The following DEAF1 variants were observed in gnomAD, a reference collection of about 807,000 sequenced individuals.
DEAF1 encodes DEAF1 transcription factor, also known as deformed epidermal autoregulatory factor 1 homolog.
DEAF1 carries 53 observed loss-of-function variants against 58.9 expected under a neutral mutation model. The observed-to-expected ratio is 0.90, with a 90% CI of 0.72 to 1.13. The LOEUF (loss-of-function observed/expected upper bound fraction) is 1.13, where lower values mean the gene tolerates loss of function less well. Among genes scored for constraint, DEAF1 ranks in the 50% most tolerant of loss-of-function variants. The pLI is 0.00. For synonymous variants in DEAF1, 385 were observed against 340.4 expected, an observed-to-expected ratio of 1.13 and a Z score of -1.44; for missense variants, 685 against 791.4, an observed-to-expected ratio of 0.87 and a Z score of 1.61.
At chr11:694,581 G>A in intron 1 of DEAF1, 178 bp downstream of exon 1, 2 of 482,202 alleles carry the variant, frequency 4.1e-6, no homozygotes, top group East Asian at 4.0e-5. Context: ...GGGCGGGCGG[G>A]TCACGTGGAG....
At chr11:685,235 C>T (rs1860542623) in intron 5 of DEAF1, among the ~76,000 whole-genome samples, 1 of 152,012 alleles carries the variant, frequency 6.6e-6, no homozygotes, top group Admixed American at 6.5e-5. Flanking sequence ...TAGGTTTGCA[C>T]CACCACACCC....
At chr11:703,637 G>C (rs967987362) in intron 1 of DEAF1, 1 of 1,232,718 alleles carries the variant, frequency 8.1e-7, no homozygotes, top group South Asian at 4.1e-5. Context: ...GGCTGGAGAC[G>C]CAGGATGGGG....
At position 674,665 on chromosome 11, in the gene DEAF1, C is replaced by T. The variant is rs1433157446; in HGVS notation, c.1374G>A (p.Glu458=). ...CTGTGTTGAGCAAGGAGTTGACCAT[C>T]TCTTCTAGGTACAGCCAGCTCCGCG... is the stretch of plus-strand genomic sequence containing the variant. ...SEPRSWLYLE[E]MVNSLLNTAQ... The change falls in exon 10 of 12, where the codon GAG becomes GAA. Residue 458 remains glutamate (E), a synonymous_variant. Coordinates refer to ENST00000382409, the MANE Select transcript of DEAF1 (RefSeq NM_021008.4). 6.2e-7 allele frequency: 1 copy of T among 1,614,108 alleles called. No individual in the cohort carries two copies. The highest frequency in any genetic ancestry group is 1.3e-5 in the African/African-American group (1 of 75,072).
At chr11:659,189 T>G (rs1198172139) in intron 10 of DEAF1, among the ~76,000 whole-genome samples, 3 of 143,138 alleles carry the variant, frequency 2.1e-5, no homozygotes, top group African/African-American at 7.8e-5. Flanking sequence ...CCCAAGAGTT[T>G]AAGGCCAGCC....
At chr11:680,489 G>A (rs1001127900) in intron 7 of DEAF1, among the ~76,000 whole-genome samples, 3 of 152,164 alleles carry the variant, frequency 2.0e-5, no homozygotes, top group African/African-American at 7.2e-5. Context: ...ACGTGCCTGT[G>A]GTCCCAGCTA....
chr11:658,177 C>T (rs1482074472), intron 10 of DEAF1, among the ~76,000 whole-genome samples: 2 of 152,148 alleles, frequency 1.3e-5, no homozygotes, highest in Non-Finnish European at 2.9e-5. Flanking sequence ...GCCTGTAATC[C>T]CAGCACTTTG....
At chr11:704,222 C>A in intron 1 of DEAF1, 1 of 929,080 alleles carries the variant, frequency 1.1e-6, no homozygotes, top group Non-Finnish European at 1.4e-6. Context: ...CAGTTCCTGG[C>A]TGGCCTCGCC....
intron 1 of DEAF1, among the ~76,000 whole-genome samples, chr11:701,859 G>C (rs771594098): frequency 3.0e-4 from 45 of 152,180 alleles, no homozygotes; most frequent in African/African-American, 7.2e-5. Context: ...CAAGATTCAA[G>C]GGGTGCAGAA....
chr11:660,408 C>G (rs984030935), intron 10 of DEAF1, among the ~76,000 whole-genome samples: 1 of 152,252 alleles, frequency 6.6e-6, no homozygotes, highest in Non-Finnish European at 1.5e-5. Flanking sequence ...CAGGGTCCCC[C>G]TGAAGTGGGA....
chr11:662,794 T>C (rs1589984832), intron 10 of DEAF1, among the ~76,000 whole-genome samples: 1 of 152,302 alleles, frequency 6.6e-6, no homozygotes, highest in Middle Eastern at 3.4e-3. Flanking sequence ...CCACCTTTGC[T>C]GGAACGGCTG....
At chr11:684,366 C>T (rs1240580124) in intron 6 of DEAF1, among the ~76,000 whole-genome samples, 2 of 151,584 alleles carry the variant, frequency 1.3e-5, no homozygotes, top group African/African-American at 2.4e-5. Context: ...TGCAGTGAGC[C>T]GAGACCGCGC....
chr11:651,315 C>A, intron 11 of DEAF1: 1 of 279,020 alleles, frequency 3.6e-6, no homozygotes, highest in South Asian at 3.1e-5. Flanking sequence ...TGCCTCATGC[C>A]TATAATCCTA....
chr11:657,847 G>A (rs1859132672), intron 10 of DEAF1, among the ~76,000 whole-genome samples: 2 of 152,164 alleles, frequency 1.3e-5, no homozygotes, highest in Admixed American at 1.3e-4. Context: ...AAGACTGAGA[G>A]ACCGTCACAG....
At position 645,871 on chromosome 11, in the gene DEAF1, G is replaced by A. The variant is rs555910087; in HGVS notation, c.1594-1217C>T. ...CCGTGCACGGGGGCGTGATAGGTAC[G>A]TATATGACACACAGAGCAGAAATAA... On this transcript the variant is annotated intron_variant, in intron 11 of 11. Transcript: ENST00000382409. Among the ~76,000 whole-genome samples the A allele has an allele frequency of 1.1e-4, 17 of 152,320 alleles. No individual in the cohort carries two copies. In the South Asian group the frequency reaches 2.7e-3, roughly 24 times the overall value.
intron 1 of DEAF1, chr11:701,031 C>T (rs539311976): frequency 4.9e-6 from 2 of 411,078 alleles, no homozygotes; most frequent in East Asian, 1.0e-4. Flanking sequence ...TATTCACCAG[C>T]ACCCCTTTCC....
Position 688,122 on chromosome 11 carries a change from T to A in DEAF1, c.518-65A>T. 1 of 1,605,972 alleles carries A rather than the reference T, an allele frequency of 6.2e-7. No individual in the cohort carries two copies. The highest frequency in any genetic ancestry group is 8.5e-7 in the Non-Finnish European group (1 of 1,174,584). ...CCGGGAAGCATAGTACACTCTCATC[T>A]CAGACACCACCTCCCCGGCAGCGCC... On this transcript the variant is annotated intron_variant, in intron 3 of 11. Coordinates refer to ENST00000382409, the MANE Select transcript of DEAF1 (RefSeq NM_021008.4). This position sits in a 1 kb window ranked among gnomAD's most constrained non-coding sequence, Gnocchi z 4.3.
intron 1 of DEAF1, chr11:704,176 G>T: frequency 9.2e-7 from 1 of 1,083,742 alleles, no homozygotes; most frequent in Non-Finnish European, 1.2e-6. Context: ...CAGTTCTCCT[G>T]CCCTGCAAGA....
At chr11:654,622 C>G (rs1048049453) in intron 10 of DEAF1, 4 of 455,156 alleles carry the variant, frequency 8.8e-6, no homozygotes, top group Non-Finnish European at 1.8e-5. Flanking sequence ...TACCTGTAAT[C>G]CCAGGACTTT....
At chr11:670,629 C>T (rs1859769406) in intron 10 of DEAF1, among the ~76,000 whole-genome samples, 1 of 151,586 alleles carries the variant, frequency 6.6e-6, no homozygotes, top group Non-Finnish European at 1.5e-5. Flanking sequence ...GCACAAGAAT[C>T]GCTTGAACCT....
Sources: allele counts gnomAD v4.1 joint callset (sites outside exome capture counted in the v4.1 genomes callset), GRCh38; gene constraint gnomAD v4.1.1; non-coding constraint Gnocchi (gnomAD v3.1); transcripts MANE v1.5; gene names NCBI Gene and HGNC (gene_info 2026-07-23, HGNC 2026-07-21).